Variants in BGN observed in about 807,000 individuals in gnomAD.
BGN encodes biglycan, also known as bone/cartilage proteoglycan-I.
Under a neutral mutation model 20.0 loss-of-function variants are expected in BGN, and 6 were observed. The observed-to-expected ratio is 0.30, with a 90% CI of 0.16 to 0.59. The LOEUF (loss-of-function observed/expected upper bound fraction) is 0.59. Among genes scored for constraint, BGN ranks in the 20% least tolerant of loss-of-function variants. The pLI is 0.88. For missense variants in BGN, 292 were observed against 312.1 expected (o/e 0.94, Z 0.49); for synonymous variants, 146 against 134.6 (o/e 1.08, Z -0.59).
rs924783171 is a variant in BGN at position 153,497,604 on chromosome X, T to A, written c.-12+2491T>A. Among the ~76,000 whole-genome samples the A allele has an allele frequency of 4.5e-5, 5 of 111,851 alleles. No individual in the cohort carries two copies. In the East Asian group the frequency reaches 1.4e-3, roughly 32 times the overall value. On this transcript the variant is annotated intron_variant, in intron 1 of 7. Coordinates refer to ENST00000331595, the MANE Select transcript of BGN (RefSeq NM_001711.6). Reference sequence around the variant, plus strand: ...GCTGTGGGGAGGGCGCATGGCTCAGTCCTCCTGGCCTGAGGCCCGCCTAGC... The same window carrying A: ...GCTGTGGGGAGGGCGCATGGCTCAGACCTCCTGGCCTGAGGCCCGCCTAGC...
In BGN at chrX:153,504,812, G is replaced by A. The variant is rs782672273; in HGVS notation, c.181G>A (p.Ala61Thr). 42 of 1,209,565 alleles carry A rather than the reference G, an allele frequency of 3.5e-5. No homozygotes were observed. The East Asian group carries it at 4.7e-4, about 14-fold the overall frequency. ...DPDSVTPTYS[A>T]MCPFGCHCHL... ...GGACTCTGTCACACCCACCTACAGC[G>A]CCATGTGTCCTTTCGGCTGCCACTG... The change falls in exon 2 of 8, where the codon GCC becomes ACC. Residue 61 changes from alanine to threonine, a missense_variant. Coordinates refer to ENST00000331595, the MANE Select transcript of BGN (RefSeq NM_001711.6).
chrX:153,501,169 C>T (rs1021131859), intron 1 of BGN, among the ~76,000 whole-genome samples: 7 of 105,086 alleles, frequency 6.7e-5, no homozygotes, highest in South Asian at 4.3e-4. Flanking sequence ...TGTATGTGAG[C>T]GTGTATGTGT....
rs743642 is a variant in BGN at position 153,508,763 on chromosome X, G to A, written c.*318G>A. Reference sequence around the variant, plus strand: ...TCACTCCCAAACCCAAGTGTCCAAGGCTCCAGTCCTAGGAGAACAGTCCCT... The same window carrying A: ...TCACTCCCAAACCCAAGTGTCCAAGACTCCAGTCCTAGGAGAACAGTCCCT... On this transcript the variant is annotated 3_prime_UTR_variant, in exon 8 of 8. Coordinates refer to ENST00000331595, the MANE Select transcript of BGN (RefSeq NM_001711.6). 1.7e-5 allele frequency: 6 copies of A among 344,450 alleles called. No individual in the cohort carries two copies. Among genetic ancestry groups the A allele is most frequent in the Non-Finnish European group, 3.1e-5 (6 of 196,056 alleles). The allele number at this position is 344,450 out of a possible 1,213,427, so 28.4% of individuals were successfully genotyped here. A position where few individuals can be genotyped will look rare whatever the true frequency, so the allele number is the denominator to read the frequency against.
chrX:153,498,494 T>C, intron 1 of BGN, among the ~76,000 whole-genome samples: 1 of 112,517 alleles, frequency 8.9e-6, no homozygotes, highest in Middle Eastern at 4.6e-3. Flanking sequence ...CACACACCCA[T>C]GGGAGCCCAG....
In BGN at chrX:153,504,790, C is replaced by T. The variant is rs200429195; in HGVS notation, c.159C>T (p.Asp53=). 1.8e-5 allele frequency: 22 copies of T among 1,211,769 alleles called. No individual in the cohort carries two copies. The highest frequency in any genetic ancestry group is 2.5e-5 in the Non-Finnish European group (22 of 895,600). The change falls in exon 2 of 8, where the codon GAC becomes GAT. Residue 53 remains aspartate (D), a synonymous_variant. Coordinates refer to ENST00000331595, the MANE Select transcript of BGN (RefSeq NM_001711.6). The stretch of plus-strand genomic sequence containing the variant: ...ACACCTCGGGCGTCCTGGACCCGGA[C>T]TCTGTCACACCCACCTACAGCGCCA... ...GADTSGVLDP[D]SVTPTYSAMC...
chrX:153,506,575 C>A lies in BGN; in HGVS notation c.612C>A (p.Ala204=). The A allele has an allele frequency of 8.3e-7, 1 of 1,211,266 alleles. No homozygotes were observed. The highest frequency in any genetic ancestry group is 1.1e-6 in the Non-Finnish European group (1 of 895,379). The change falls in exon 5 of 8, where the codon GCC becomes GCA. Residue 204 remains alanine, a synonymous_variant. Coordinates refer to ENST00000331595, the MANE Select transcript of BGN (RefSeq NM_001711.6). ...AGAACAGTGGCTTTGAACCTGGAGC[C>A]TTCGATGGCCTGAAGCTCAACTACC... The part of the protein sequence containing the change: ...PLENSGFEPG[A]FDGLKLNYLR...
intron 7 of BGN, among the ~76,000 whole-genome samples, chrX:153,507,805 A>C (rs1230338791): frequency 2.6e-5 from 3 of 113,651 alleles, no homozygotes; most frequent in Non-Finnish European, 5.6e-5. Context: ...TCCCAGAGAC[A>C]GCAAGACGGT....
At chrX:153,506,480 G>C in intron 4 of BGN, 49 bp from the exon 5 acceptor site, 1 of 1,111,685 alleles carries the variant, frequency 9.0e-7, no homozygotes, top group Non-Finnish European at 1.2e-6. Flanking sequence ...AGGACCCAGG[G>C]CTGTGCAGGG....
At chrX:153,497,622 C>T (rs868944616) in intron 1 of BGN, among the ~76,000 whole-genome samples, 218 of 108,519 alleles carry the variant, frequency 2.0e-3, no homozygotes, top group African/African-American at 7.7e-3. Context: ...GCCTGAGGCC[C>T]GCCTAGCCTA....
chrX:153,505,549 G>T (rs1556992897), intron 3 of BGN, 199 bp downstream of exon 3: 11 of 447,385 alleles, frequency 2.5e-5, no homozygotes, highest in Non-Finnish European at 3.1e-5. Flanking sequence ...TGCAGGACCG[G>T]ATCGCTCAGT....
At chrX:153,495,558 C>G (rs1237755519) in intron 1 of BGN, 1 of 112,392 alleles carries the variant, frequency 8.9e-6, no homozygotes, top group Non-Finnish European at 1.9e-5. Context: ...CGCCTCCTTG[C>G]TCCAGGGCTT....
In BGN at chrX:153,508,476, G is replaced by T; in HGVS notation, c.*31G>T. 1 of 1,183,272 alleles carries T rather than the reference G, an allele frequency of 8.5e-7. No homozygotes were observed. Among genetic ancestry groups the T allele is most frequent in the Non-Finnish European group, 1.1e-6 (1 of 873,490 alleles). ...GCTGCAGCCACCGCGGGGCCTCAGT[G>T]GGGGTCTCTGGGGAACACAGCCAGA... On this transcript the variant is annotated 3_prime_UTR_variant, in exon 8 of 8. Transcript: ENST00000331595.
At chrX:153,506,503 C>T (rs782643241) in intron 4 of BGN, 26 bp from the exon 5 acceptor site, 5 of 1,189,094 alleles carry the variant, frequency 4.2e-6, no homozygotes, top group African/African-American at 1.7e-5. Context: ...CACCAGGCTC[C>T]CGGGCTAATG....
chrX:153,505,192 C>T, intron 2 of BGN, 46 bp from the exon 3 acceptor site: 2 of 1,082,666 alleles, frequency 1.8e-6, no homozygotes, highest in South Asian at 2.0e-5. Context: ...GGGGGTGGGG[C>T]CCCTAGGTCT....
chrX:153,499,453 A>G (rs2089740812), intron 1 of BGN, among the ~76,000 whole-genome samples: 1 of 112,661 alleles, frequency 8.9e-6, no homozygotes, highest in African/African-American at 3.2e-5. Context: ...GGAGAACTCC[A>G]CCCTTGTCGC....
chrX:153,495,617 A>G (rs1556990584), intron 1 of BGN: 1 of 111,915 alleles, frequency 8.9e-6, no homozygotes, highest in Middle Eastern at 4.6e-3. Flanking sequence ...CCCAGCGCCC[A>G]CCGAGCTCAG....
chrX:153,502,895 G>A (rs1602979074), intron 1 of BGN, among the ~76,000 whole-genome samples: 2 of 112,782 alleles, frequency 1.8e-5, no homozygotes, highest in South Asian at 3.7e-4. Flanking sequence ...CCTGGCAGCC[G>A]CTATAGCCAC....
intron 1 of BGN, among the ~76,000 whole-genome samples, chrX:153,502,853 C>T (rs1394811294): frequency 1.8e-5 from 2 of 112,767 alleles, no homozygotes; most frequent in East Asian, 2.8e-4. Flanking sequence ...AGGAGGGCTC[C>T]GGGGCTGGCT....
In BGN at chrX:153,505,424, G is replaced by A. The variant is rs782800581; in HGVS notation, c.351+74G>A. On this transcript the variant is annotated intron_variant, in intron 3 of 7. Transcript: ENST00000331595. ...CGGGTGGGTGCATGTGCGTGGACGT[G>A]TGGGGTATGAGAGGGGTTCGGGGAC... is the stretch of plus-strand genomic sequence containing the variant. 5.5e-6 allele frequency: 5 copies of A among 916,360 alleles called. 1 individual carries two copies. The South Asian group carries it at 9.1e-5, about 17-fold the overall frequency. 75.5% of individuals were successfully genotyped at this position (916,360 alleles called of 1,213,427 possible).
Sources: allele counts gnomAD v4.1 joint callset (sites outside exome capture counted in the v4.1 genomes callset), GRCh38; gene constraint gnomAD v4.1.1; transcripts MANE v1.5; gene names NCBI Gene and HGNC (gene_info 2026-07-23, HGNC 2026-07-21).